SPG11: variants seen among roughly 807,000 people sequenced by gnomAD.
SPG11 encodes the protein spatacsin.
In SPG11, 222 loss-of-function variants were observed where a neutral mutation model predicts 274.0. The ratio of observed to expected loss-of-function variants is 0.81; its 90% confidence interval spans 0.73 to 0.91. The LOEUF (loss-of-function observed/expected upper bound fraction) is 0.91, where lower values mean the gene tolerates loss of function less well. Ranked by LOEUF, SPG11 falls within the 40% of genes least tolerant of loss-of-function variation. The pLI, the probability that SPG11 is intolerant of heterozygous loss-of-function variation, is 0.00. For synonymous variants in SPG11, 1,144 were observed against 1,039.7 expected (o/e 1.10, Z -1.93); for missense variants, 3,114 against 2,872.7 (o/e 1.08, Z -1.92).
chr15:44,657,404 T>C, intron 3 of SPG11, 108 bp from the exon 4 acceptor site: 1 of 1,021,518 alleles, frequency 9.8e-7, no homozygotes, highest in Non-Finnish European at 1.5e-6. Context: ...TTTGTAGGTA[T>C]AACAGAAGAA....
intron 15 of SPG11, among the ~76,000 whole-genome samples, chr15:44,619,552 C>T (rs897963136): frequency 6.6e-6 from 1 of 152,166 alleles, no homozygotes; most frequent in African/African-American, 2.4e-5. Flanking sequence ...ATATGAAGCA[C>T]AGGAGACAGG....
chr15:44,563,932 T>A (rs1206079139), intron 39 of SPG11, among the ~76,000 whole-genome samples: 2 of 152,208 alleles, frequency 1.3e-5, no homozygotes, highest in South Asian at 2.1e-4. Flanking sequence ...AAAATGAGTA[T>A]GTTAATGCTT....
intron 28 of SPG11, among the ~76,000 whole-genome samples, chr15:44,587,697 A>AAAAAAAAAAAAAAAC (rs1567141675): frequency 4.9e-5 from 7 of 143,816 alleles, no homozygotes; most frequent in African/African-American, 1.9e-4. Context: ...CTGTCTCAAA[A>AAAAAAAAAAAAAAAC]AAAAAAAAAA....
At chr15:44,619,717 T>C (rs2083687238) in intron 15 of SPG11, among the ~76,000 whole-genome samples, 2 of 150,622 alleles carry the variant, frequency 1.3e-5, no homozygotes, top group African/African-American at 2.5e-5. Context: ...ATTAAATGCA[T>C]ATGATTTTTT....
intron 7 of SPG11, among the ~76,000 whole-genome samples, chr15:44,645,352 AAAAC>A (rs2084575194): frequency 6.6e-6 from 1 of 152,210 alleles, no homozygotes; most frequent in African/African-American, 2.4e-5. Context: ...AAAGTTGACA[AAAAC>A]AAACAATGGG....
intron 7 of SPG11, among the ~76,000 whole-genome samples, chr15:44,645,746 A>C (rs2084588672): frequency 6.6e-6 from 1 of 152,244 alleles, no homozygotes; most frequent in Non-Finnish European, 1.5e-5. Context: ...AGAATCCGTA[A>C]GGAACTTAAA....
rs988355401 is a variant in SPG11, at chr15:44,603,053, A to ATT, written c.3521-2423_3521-2422dup. On this transcript the variant is annotated intron_variant, in intron 20 of 39. Coordinates refer to ENST00000261866, the MANE Select transcript of SPG11 (RefSeq NM_025137.4). ...TCACTGTACCTTTCTCCAACAGGCAATTTTTTTTTTTTTTTTTTTTGGACA... is the reference window on the plus strand; with the variant it reads ...TCACTGTACCTTTCTCCAACAGGCAATTTTTTTTTTTTTTTTTTTTTTGGACA... 8.8e-3 allele frequency among the ~76,000 whole-genome samples: 1,149 copies of ATT among 131,252 alleles called. 22 individuals are homozygous for ATT. The highest frequency in any genetic ancestry group is 0.031 in the African/African-American group (1,088 of 34,642). 86.1% of individuals were successfully genotyped at this position (131,252 alleles called of 152,430 possible).
Position 44,615,425 on chromosome 15 carries a change from G to T in SPG11, c.2976C>A (p.Phe992Leu), listed in dbSNP as rs2083568228. The change falls in exon 16 of 40, where the codon TTC becomes TTA. Residue 992 changes from phenylalanine to leucine, a missense_variant. Transcript: ENST00000261866. ...GACTGTGCTCCAAACAATAGAGAATGAATTGAGAATGGAAATCCCAACCTT... is the reference window on the plus strand; with the variant it reads ...GACTGTGCTCCAAACAATAGAGAATTAATTGAGAATGGAAATCCCAACCTT... ...TKEGWDFHSQ[F>L]ILYCLEHSLQ... 6.2e-7 allele frequency: 1 copy of T among 1,613,994 alleles called. No homozygotes were observed. Among genetic ancestry groups the T allele is most frequent in the Admixed American group, 1.7e-5 (1 of 59,998 alleles).
intron 20 of SPG11, among the ~76,000 whole-genome samples, chr15:44,601,120 C>T (rs1276445659): frequency 6.6e-6 from 1 of 152,042 alleles, no homozygotes; most frequent in Non-Finnish European, 1.5e-5. Flanking sequence ...CCATTGCACT[C>T]CAGCCTGGGC....
chr15:44,636,652 ACT>A lies in SPG11; in HGVS notation c.1603-3017_1603-3016del, dbSNP rs1232022945. On this transcript the variant is annotated intron_variant, in intron 7 of 39. Transcript: ENST00000261866. ...ACTCCAGCCTGGGCAACAGAGTGAG[ACT>A]CTGTCTCAAAAAAAACAAAAAAACA... 1.7e-4 allele frequency among the ~76,000 whole-genome samples: 26 copies of A among 151,788 alleles called. 1 individual carries two copies. In the East Asian group the frequency reaches 4.7e-3, roughly 27 times the overall value.
chr15:44,562,798 CTG>C lies in SPG11; in HGVS notation c.*321_*322del. On this transcript the variant is annotated 3_prime_UTR_variant, in exon 40 of 40. Coordinates refer to ENST00000261866, the MANE Select transcript of SPG11 (RefSeq NM_025137.4). ...AAATAATAATTAAATTTCTTTGAAACTGGAATCTGCAGGTACAGGTATTCTTT... is the reference window on the plus strand; with the variant it reads ...AAATAATAATTAAATTTCTTTGAAACGAATCTGCAGGTACAGGTATTCTTT... 4.1e-6 allele frequency: 1 copy of C among 246,840 alleles called. No homozygotes were observed. The highest frequency in any genetic ancestry group is 6.9e-5 in the South Asian group (1 of 14,546). 15.3% of individuals were successfully genotyped at this position (246,840 alleles called of 1,614,324 possible).
chr15:44,585,494 C>T (rs1018011082), intron 29 of SPG11, 142 bp downstream of exon 29: 11 of 629,960 alleles, frequency 1.7e-5, no homozygotes, highest in East Asian at 1.5e-4. Flanking sequence ...CCCAGCTACT[C>T]GGGAGGCTGA....
At position 44,596,888 on chromosome 15, in the gene SPG11, G is replaced by A; in HGVS notation, c.4057C>T (p.His1353Tyr). The A allele has an allele frequency of 6.2e-7, 1 of 1,613,892 alleles. No individual in the cohort carries two copies. Among genetic ancestry groups the A allele is most frequent in the South Asian group, 1.1e-5 (1 of 91,082 alleles). Residue 1353 changes from histidine (H) to tyrosine (Y), a missense_variant, in exon 24 of 40, where the codon CAC becomes TAC. His to Tyr is a moderately conservative substitution (Grantham distance 83). Coordinates refer to ENST00000261866, the MANE Select transcript of SPG11 (RefSeq NM_025137.4). ...WALVVQFCRL[H>Y]NMKLSISYLR... is the part of the protein sequence containing the mutation. Reference sequence around the variant, plus strand: ...TAAGATATGCTTAGTTTCATATTGTGTAGCCTGCAGAACTGCACCACTAAT... The same window carrying A: ...TAAGATATGCTTAGTTTCATATTGTATAGCCTGCAGAACTGCACCACTAAT...
chr15:44,632,805 C>A (rs979879935), intron 8 of SPG11, among the ~76,000 whole-genome samples: 1 of 152,084 alleles, frequency 6.6e-6, no homozygotes, highest in African/African-American at 2.4e-5. Context: ...CTGCATCCCA[C>A]CAAAAATTCT....
chr15:44,574,851 T>A, intron 31 of SPG11, 51 bp downstream of exon 31: 1 of 1,610,940 alleles, frequency 6.2e-7, no homozygotes, highest in Non-Finnish European at 8.5e-7. Context: ...AACCTCAAAC[T>A]TCTCATTTCC....
At chr15:44,639,446 G>T (rs1011765290) in intron 7 of SPG11, among the ~76,000 whole-genome samples, 1 of 152,114 alleles carries the variant, frequency 6.6e-6, no homozygotes, top group African/African-American at 2.4e-5. Context: ...GTTCACGCCC[G>T]TAATCCCAGC....
At chr15:44,659,502 A>G (rs552033143) in intron 2 of SPG11, among the ~76,000 whole-genome samples, 199 bp from the exon 3 acceptor site, 1 of 152,182 alleles carries the variant, frequency 6.6e-6, no homozygotes, top group African/African-American at 2.4e-5. Context: ...GATGGCCTAC[A>G]ATGTCCCTGA....
At chr15:44,601,160 CA>C (rs905946447) in intron 20 of SPG11, among the ~76,000 whole-genome samples, 2 of 150,960 alleles carry the variant, frequency 1.3e-5, no homozygotes, top group African/African-American at 2.4e-5. Flanking sequence ...TTCAAAAAAA[CA>C]AAAAAAAGTG....
At chr15:44,629,114 T>C (rs1330031175) in intron 9 of SPG11, 119 bp downstream of exon 9, 1 of 1,219,758 alleles carries the variant, frequency 8.2e-7, no homozygotes, top group Admixed American at 1.7e-5. Context: ...CACACTGACC[T>C]TACCCAAATG....
Sources: allele counts gnomAD v4.1 joint callset (sites outside exome capture counted in the v4.1 genomes callset), GRCh38; gene constraint gnomAD v4.1.1; transcripts MANE v1.5; gene names NCBI Gene and HGNC (gene_info 2026-07-23, HGNC 2026-07-21).